METAP2: variants seen among roughly 807,000 people sequenced by gnomAD.
The protein encoded by METAP2 is methionine aminopeptidase 2.
In METAP2, 25 loss-of-function variants were observed where a neutral mutation model predicts 59.4. The observed-to-expected ratio is 0.42, with a 90% CI of 0.31 to 0.59. METAP2 has a LOEUF of 0.59. METAP2 is among the 20% of genes least tolerant of loss of function. The probability of loss-of-function intolerance (pLI) is 0.16; values close to 1 mark genes in which losing one functional copy is unlikely to be tolerated. For synonymous variants in METAP2, 214 were observed against 194.1 expected (o/e 1.10, Z -0.85); for missense variants, 366 against 581.2 (o/e 0.63, Z 3.81).
chr12:95,481,048 C>T (rs1594411869), intron 2 of METAP2, among the ~76,000 whole-genome samples: 3 of 152,266 alleles, frequency 2.0e-5, no homozygotes, highest in Admixed American at 1.3e-4. Flanking sequence ...AGCTTAAAAG[C>T]TTGAGACTCT....
At chr12:95,492,277 A>C (rs2076244301) in intron 4 of METAP2, among the ~76,000 whole-genome samples, 1 of 152,144 alleles carries the variant, frequency 6.6e-6, no homozygotes, top group Non-Finnish European at 1.5e-5. Flanking sequence ...TTGGGATTAT[A>C]GGAGTAAGCC....
chr12:95,511,823 C>T, intron 8 of METAP2, 72 bp from the exon 9 acceptor site: 1 of 1,064,836 alleles, frequency 9.4e-7, no homozygotes, highest in East Asian at 2.6e-5. Context: ...GAACTCTGTA[C>T]CAAAATGTAA....
chr12:95,510,178 T>C (rs1213860889), intron 8 of METAP2, among the ~76,000 whole-genome samples: 2 of 151,838 alleles, frequency 1.3e-5, no homozygotes, highest in Non-Finnish European at 2.9e-5. Context: ...TAACACAAAA[T>C]GCACAAAGCA....
intron 7 of METAP2, among the ~76,000 whole-genome samples, chr12:95,502,894 TTC>T (rs1350255791): frequency 1.3e-5 from 2 of 151,930 alleles, no homozygotes; most frequent in East Asian, 1.9e-4. Flanking sequence ...CTCCAGAAAT[TTC>T]TTTTTCTTTT....
intron 2 of METAP2, chr12:95,482,292 T>C (rs1594413021): frequency 5.5e-6 from 2 of 364,856 alleles, no homozygotes; most frequent in South Asian, 4.0e-5. Context: ...TTTGTACTTT[T>C]AGTAGAGACA....
chr12:95,502,916 A>G (rs61939477), intron 7 of METAP2, among the ~76,000 whole-genome samples: 6,829 of 133,462 alleles, frequency 0.051, 216 homozygotes, highest in Non-Finnish European at 0.074. Context: ...TAGGTTTTCT[A>G]TTTCTTTTTT....
In METAP2 at chr12:95,513,090, T is replaced by TACACACACACACACACACAC. The variant is rs60788079; in HGVS notation, c.1184+198_1184+217dup. ...TAAACATTTTAACTGAGATAAAAAT[T>TACACACACACACACACACAC]ACACACACACACACACACACACACA... On this transcript the variant is annotated intron_variant, in intron 10 of 10. Transcript: ENST00000323666. Among the ~76,000 whole-genome samples, 89 of 136,180 alleles carry TACACACACACACACACACAC rather than the reference T, an allele frequency of 6.5e-4. 3 individuals are homozygous for TACACACACACACACACACAC. The highest frequency in any genetic ancestry group is 6.2e-3 in the Admixed American group (81 of 13,006). 89.3% of individuals were successfully genotyped at this position (136,180 alleles called of 152,430 possible).
chr12:95,482,016 G>A lies in METAP2; in HGVS notation c.260-1199G>A, dbSNP rs118096943. On this transcript the variant is annotated intron_variant, in intron 2 of 10. Coordinates refer to ENST00000323666, the MANE Select transcript of METAP2 (RefSeq NM_006838.4). ...GGTTACTGTTAACGTTACAGTGCAC[G>A]ATATGTGAATTAGATTATAATTTTT... 836 of 358,792 alleles carry A rather than the reference G, an allele frequency of 2.3e-3. 13 individuals carry two copies. The East Asian group carries it at 0.037, about 16-fold the overall frequency. 22.2% of individuals were successfully genotyped at this position (358,792 alleles called of 1,614,324 possible).
Position 95,514,992 on chromosome 12 carries a change from T to G in METAP2, c.*1088T>G, listed in dbSNP as rs2076436140. On this transcript the variant is annotated 3_prime_UTR_variant, in exon 11 of 11. Transcript: ENST00000323666. ...ATGTAACGATGGTAATATTAATTTG[T>G]TTGAACTGAGGCCCACTACTGATTC... is the stretch of plus-strand genomic sequence containing the variant. 1 of 152,562 alleles carries G rather than the reference T, an allele frequency of 6.6e-6. No individual in the cohort carries two copies. The highest frequency in any genetic ancestry group is 1.5e-5 in the Non-Finnish European group (1 of 67,970). The allele number at this position is 152,562 out of a possible 1,614,324, so 9.5% of individuals were successfully genotyped here. A position where few individuals can be genotyped will look rare whatever the true frequency, so the allele number is the denominator to read the frequency against.
chr12:95,510,522 T>G (rs1010849616), intron 8 of METAP2, among the ~76,000 whole-genome samples: 9 of 152,176 alleles, frequency 5.9e-5, no homozygotes, highest in Non-Finnish European at 1.3e-4. Flanking sequence ...GATAATGGCT[T>G]GAATTCATTG....
chr12:95,479,613 CTTT>C (rs58065707), intron 2 of METAP2, among the ~76,000 whole-genome samples: 2 of 143,112 alleles, frequency 1.4e-5, no homozygotes, highest in Non-Finnish European at 1.5e-5. Flanking sequence ...AGTCACCACT[CTTT>C]TTTTTTTTTT....
Position 95,494,071 on chromosome 12 carries a change from G to C in METAP2, c.444G>C (p.Trp148Cys). ...CACTCTAAAGGCGAACAGCTGCTTG[G>C]AGAACTACAAGTGAAGAAAAGAAAG... is the stretch of plus-strand genomic sequence containing the variant. ...PPTQDGRTAA[W>C]RTTSEEKKAL... Residue 148 changes from tryptophan (W) to cysteine (C), a missense_variant, in exon 5 of 11, where the codon TGG becomes TGC. Physicochemically the swap from Trp to Cys is radical, Grantham distance 215. This residue lies in a region of METAP2 where 177 missense variants were observed against 180.3 expected (regional missense o/e 0.98). Coordinates refer to ENST00000323666, the MANE Select transcript of METAP2 (RefSeq NM_006838.4). 1 of 1,613,844 alleles carries C rather than the reference G, an allele frequency of 6.2e-7. No individual in the cohort carries two copies. Among genetic ancestry groups the C allele is most frequent in the Non-Finnish European group, 8.5e-7 (1 of 1,179,922 alleles).
At chr12:95,488,565 C>T (rs899919176) in intron 4 of METAP2, among the ~76,000 whole-genome samples, 17 of 146,242 alleles carry the variant, frequency 1.2e-4, no homozygotes, top group African/African-American at 4.3e-4. Flanking sequence ...AGTAGTCTCT[C>T]AGATTTTCTT....
chr12:95,512,159 A>G (rs534540958), intron 9 of METAP2, among the ~76,000 whole-genome samples, 161 bp downstream of exon 9: 1 of 152,308 alleles, frequency 6.6e-6, no homozygotes, highest in East Asian at 1.9e-4. Flanking sequence ...CAAATTGTGT[A>G]TAGTCAGCAC....
At chr12:95,502,949 A>ATTTT (rs71307542) in intron 7 of METAP2, among the ~76,000 whole-genome samples, 1 of 134,306 alleles carries the variant, frequency 7.4e-6, no homozygotes, top group Non-Finnish European at 1.6e-5. Context: ...TTGTTCATAC[A>ATTTT]TTTTTTTTTT....
Position 95,490,094 on chromosome 12 carries a change from GT to G in METAP2, c.429-3954del, listed in dbSNP as rs113869190. Among the ~76,000 whole-genome samples, 7 of 150,438 alleles carry G rather than the reference GT, an allele frequency of 4.7e-5. 1 individual carries two copies. Among genetic ancestry groups the G allele is most frequent in the African/African-American group, 1.7e-4 (7 of 40,970 alleles). On this transcript the variant is annotated intron_variant, in intron 4 of 10. Coordinates refer to ENST00000323666, the MANE Select transcript of METAP2 (RefSeq NM_006838.4). ...AAATTGGTGAGTCTGTATATATATA[GT>G]TTTTTTTCTTTTTTTTTTTGTTTTG...
intron 2 of METAP2, among the ~76,000 whole-genome samples, chr12:95,481,753 A>C (rs1362608990): frequency 6.6e-6 from 1 of 152,334 alleles, no homozygotes; most frequent in Middle Eastern, 3.4e-3. Flanking sequence ...AGATGGAAAG[A>C]TTTTTAGTAT....
intron 2 of METAP2, chr12:95,482,278 A>AT: frequency 5.3e-6 from 2 of 376,870 alleles, no homozygotes; most frequent in South Asian, 3.8e-5. Flanking sequence ...CACCTGGATA[A>AT]TTTTTTGTAC....
Position 95,513,980 on chromosome 12 carries a change from A to T in METAP2, c.*76A>T, listed in dbSNP as rs1441193692. ...AACATGATACCAGAATTAATTTGCCACATGTTGTCTGTTTTAACAGTGGAC... is the reference window on the plus strand; with the variant it reads ...AACATGATACCAGAATTAATTTGCCTCATGTTGTCTGTTTTAACAGTGGAC... On this transcript the variant is annotated 3_prime_UTR_variant, in exon 11 of 11. Coordinates refer to ENST00000323666, the MANE Select transcript of METAP2 (RefSeq NM_006838.4). The T allele has an allele frequency of 1.3e-6, 2 of 1,489,650 alleles. No homozygotes were observed. The highest frequency in any genetic ancestry group is 4.2e-5 in the Admixed American group (2 of 47,684). The allele number at this position is 1,489,650 out of a possible 1,614,324, so 92.3% of individuals were successfully genotyped here. A position where few individuals can be genotyped will look rare whatever the true frequency, so the allele number is the denominator to read the frequency against.
Sources: allele counts gnomAD v4.1 joint callset (sites outside exome capture counted in the v4.1 genomes callset), GRCh38; gene constraint gnomAD v4.1.1; regional missense constraint gnomAD v4.1.1; transcripts MANE v1.5; gene names NCBI Gene and HGNC (gene_info 2026-07-23, HGNC 2026-07-21).